C3: variants seen among roughly 807,000 people sequenced by gnomAD.
C3 encodes the protein complement C3.
C3 carries 97 observed loss-of-function variants against 207.9 expected under a neutral mutation model. That is an observed-to-expected ratio of 0.47 (90% CI 0.40 to 0.55). C3 has a LOEUF of 0.55. Ranked by LOEUF, C3 falls within the 20% of genes least tolerant of loss-of-function variation. C3 has a pLI of 0.00. For missense variants in C3, 1,684 were observed against 2,171.7 expected (o/e 0.78, Z 4.46); for synonymous variants, 848 against 857.6 (o/e 0.99, Z 0.20).
At chr19:6,712,223 A>T in intron 11 of C3, 34 bp downstream of exon 11, 1 of 1,612,352 alleles carries the variant, frequency 6.2e-7, no homozygotes, top group Non-Finnish European at 8.5e-7. Context: ...CCGTCTTCCC[A>T]GTGATGGGGT....
chr19:6,694,704 G>T (rs1918264451), intron 23 of C3, 70 bp from the exon 24 acceptor site: 1 of 1,455,958 alleles, frequency 6.9e-7, no homozygotes, highest in Non-Finnish European at 9.4e-7. Context: ...CGTGAAAAGG[G>T]TTCCAGCCTC....
chr19:6,689,356 C>CCCCCCTCTCT (rs1918108141), intron 27 of C3, among the ~76,000 whole-genome samples: 1 of 47,174 alleles, frequency 2.1e-5, no homozygotes, highest in African/African-American at 1.2e-4. Flanking sequence ...TCCCTCCCTC[C>CCCCCCTCTCT]CTCCCTCTCT....
rs763430793 is a variant in C3 at position 6,709,665 on chromosome 19, T to C, written c.1845+19A>G. ...GTGCCTCCGCCTCTTCTCAGCAGCC[T>C]TGGGTCACTGGCCCTTACCTTACTC... is the stretch of plus-strand genomic sequence containing the variant. On this transcript the variant is annotated intron_variant, in intron 14 of 40. Transcript: ENST00000245907. The C allele has an allele frequency of 6.8e-7, 1 of 1,463,764 alleles. No individual in the cohort carries two copies. The highest frequency in any genetic ancestry group is 1.1e-5 in the South Asian group (1 of 89,276). 90.7% of individuals were successfully genotyped at this position (1,463,764 alleles called of 1,614,324 possible).
Position 6,707,551 on chromosome 19 carries a change from G to C in C3, c.1976-14C>G. On this transcript the variant is annotated splice_polypyrimidine_tract_variant and intron_variant, in intron 15 of 40. Coordinates refer to ENST00000245907, the MANE Select transcript of C3 (RefSeq NM_000064.4). ...GGCACTGAAGTTCTGCAGGGCAGGC[G>C]GACCGAGAAGAAGATGGATGAGGCA... 1 of 1,613,926 alleles carries C rather than the reference G, an allele frequency of 6.2e-7. No homozygotes were observed. The highest frequency in any genetic ancestry group is 8.5e-7 in the Non-Finnish European group (1 of 1,179,860).
intron 35 of C3, among the ~76,000 whole-genome samples, chr19:6,680,771 G>A (rs1360232476): frequency 6.6e-6 from 1 of 152,108 alleles, no homozygotes; most frequent in Non-Finnish European, 1.5e-5. Context: ...TGGGATTGAG[G>A]GGCCCTGTGG....
At chr19:6,709,923 G>A (rs540574059) in intron 13 of C3, 81 bp from the exon 14 acceptor site, 9 of 1,404,398 alleles carry the variant, frequency 6.4e-6, no homozygotes, top group South Asian at 5.9e-5. Flanking sequence ...CTGGGCTAGA[G>A]TGGAAAGACA....
chr19:6,707,050 C>T (rs1205146998), intron 17 of C3, 26 bp downstream of exon 17: 2 of 1,593,784 alleles, frequency 1.3e-6, no homozygotes, highest in South Asian at 2.2e-5. Flanking sequence ...GGCCCCCTCC[C>T]CCTGTCCCCA....
chr19:6,696,755 A>G, intron 21 of C3, 96 bp from the exon 22 acceptor site: 1 of 1,259,698 alleles, frequency 7.9e-7, no homozygotes, highest in Non-Finnish European at 1.2e-6. Context: ...GGATCACCCT[A>G]GCATTGCCGG....
At chr19:6,718,519 G>A (rs1968092321) in intron 2 of C3, 107 bp from the exon 3 acceptor site, 1 of 1,377,774 alleles carries the variant, frequency 7.3e-7, no homozygotes, top group African/African-American at 1.4e-5. Flanking sequence ...ATTATTCTTG[G>A]TCTTCCGAGG....
At chr19:6,709,615 A>ACCCCCCCCCCCCCC in intron 14 of C3, 69 bp downstream of exon 14, 4 of 403,612 alleles carry the variant, frequency 9.9e-6, no homozygotes, top group South Asian at 5.1e-5. Flanking sequence ...CTCCAGTCCC[A>ACCCCCCCCCCCCCC]CCCACCTCCC....
rs45532534 is a variant in C3 at position 6,682,103 on chromosome 19, G to T, written c.4260+39C>A. ...CCCTGCAGCCTCTTCCAGAACCCAG[G>T]CTCCTTTCCACTTATCCCAGCTCCT... On this transcript the variant is annotated intron_variant, in intron 34 of 40. Transcript: ENST00000245907. 5.2e-3 allele frequency: 8,291 copies of T among 1,604,382 alleles called. 32 individuals carry two copies. The highest frequency in any genetic ancestry group is 0.011 in the Middle Eastern group (65 of 6,038).
rs779938482 is a variant in C3 at position 6,711,092 on chromosome 19, G to A, written c.1374C>T (p.Leu458=). 6.2e-7 allele frequency: 1 copy of A among 1,614,060 alleles called. No individual in the cohort carries two copies. Among genetic ancestry groups the A allele is most frequent in the Non-Finnish European group, 8.5e-7 (1 of 1,180,028 alleles). ...GTCTGAGCTCTGTACGTAGCACTGA[G>A]AGATGCAGGTAATTGTTGGAGTTGC... ...TVGNSNNYLH[L]SVLRTELRPG... Residue 458 remains leucine, a synonymous_variant, in exon 12 of 41, where the codon CTC becomes CTT. Transcript: ENST00000245907.
chr19:6,692,328 A>G (rs1361409240), intron 26 of C3, among the ~76,000 whole-genome samples: 1 of 152,140 alleles, frequency 6.6e-6, no homozygotes, highest in Non-Finnish European at 1.5e-5. Context: ...TGAGGATCAC[A>G]CTTCGAGAAC....
At position 6,719,470 on chromosome 19, in the gene C3, G is replaced by A; in HGVS notation, c.75-67C>T. 6.9e-7 allele frequency: 1 copy of A among 1,442,306 alleles called. No individual in the cohort carries two copies. Among genetic ancestry groups the A allele is most frequent in the South Asian group, 1.2e-5 (1 of 85,452 alleles). The allele number at this position is 1,442,306 out of a possible 1,614,324, so 89.3% of individuals were successfully genotyped here. On this transcript the variant is annotated intron_variant, in intron 1 of 40. Transcript: ENST00000245907. This position sits in a 1 kb window ranked among gnomAD's most constrained non-coding sequence, Gnocchi z 5.4. ...ATGTGAGACGCCAGTCCTCACTGGA[G>A]TCAGCGCCTGGCAGGCTGTGTGCCC...
chr19:6,717,747 G>T, intron 4 of C3: 1 of 340,514 alleles, frequency 2.9e-6, no homozygotes, highest in Non-Finnish European at 5.2e-6. Context: ...TGTGTGTTGT[G>T]TGTGTGGTCA....
chr19:6,686,544 A>C, intron 28 of C3: 1 of 741,754 alleles, frequency 1.3e-6, no homozygotes, highest in Non-Finnish European at 2.4e-6. Context: ...GTTTACAATG[A>C]GGACCTGCGA....
chr19:6,711,107 G>T lies in C3; in HGVS notation c.1359C>A (p.Asn453Lys), dbSNP rs756073608. ...ALPYSTVGNS[N>K]NYLHLSVLRT... The stretch of plus-strand genomic sequence containing the variant: ...GTAGCACTGAGAGATGCAGGTAATT[G>T]TTGGAGTTGCCCACGGTGCTGTAGG... The change falls in exon 12 of 41, where the codon AAC becomes AAA. Residue 453 changes from asparagine (N) to lysine (K), a missense_variant. Around this residue, in one of 3 missense-constraint regions of C3, gnomAD observed 1,280 missense variants for 1,739.1 expected, o/e 0.74. Transcript: ENST00000245907. The T allele has an allele frequency of 1.2e-6, 2 of 1,614,112 alleles. No homozygotes were observed. Among genetic ancestry groups the T allele is most frequent in the South Asian group, 2.2e-5 (2 of 91,078 alleles).
intron 17 of C3, among the ~76,000 whole-genome samples, chr19:6,706,858 T>G (rs1393594483): frequency 1.1e-5 from 1 of 90,960 alleles, no homozygotes; most frequent in African/African-American, 5.6e-5. Context: ...AGGGACCTCC[T>G]CCCTCCTCAG....
intron 17 of C3, 136 bp downstream of exon 17, chr19:6,706,940 A>G (rs1967789586): frequency 2.0e-6 from 1 of 494,952 alleles, no homozygotes; most frequent in South Asian, 2.1e-5. Flanking sequence ...CCCCTCAGAC[A>G]GGGGCCTCCT....
Sources: gnomAD v4.1 joint callset for allele counts (sites outside exome capture counted in the v4.1 genomes callset) on GRCh38, gnomAD v4.1.1 for gene constraint, gnomAD v4.1.1 regional missense constraint, Gnocchi (gnomAD v3.1) non-coding constraint, MANE v1.5 for transcripts, NCBI Gene and HGNC (gene_info 2026-07-23, HGNC 2026-07-21) for gene names.